The following ITGB8 variants were observed in gnomAD, a reference collection of about 807,000 sequenced individuals.
ITGB8 encodes integrin subunit beta 8, also known as integrin beta-8.
ITGB8 carries 30 observed loss-of-function variants against 89.5 expected under a neutral mutation model. The observed-to-expected ratio is 0.34, with a 90% CI of 0.25 to 0.45. ITGB8 has a LOEUF of 0.45. Ranked by LOEUF, ITGB8 falls within the 20% of genes least tolerant of loss-of-function variation. The probability of loss-of-function intolerance (pLI) is 1.00; values close to 1 mark genes in which losing one functional copy is unlikely to be tolerated. For missense variants in ITGB8, 836 were observed against 933.3 expected, an observed-to-expected ratio of 0.90 and a Z score of 1.36; for synonymous variants, 335 against 320.4, an observed-to-expected ratio of 1.05 and a Z score of -0.49.
rs2127961278 is a variant in ITGB8, at chr7:20,380,848, G to T, written c.801+17G>T. 6.3e-7 allele frequency: 1 copy of T among 1,583,796 alleles called. No individual in the cohort carries two copies. The highest frequency in any genetic ancestry group is 1.1e-5 in the South Asian group (1 of 87,358). The stretch of plus-strand genomic sequence containing the variant: ...GTCTGTGAAGTAAGACGTTTCACAT[G>T]ATCGAGTGTTTGCTAAGATGCCAAA... On this transcript the variant is annotated intron_variant, in intron 5 of 13. Coordinates refer to ENST00000222573, the MANE Select transcript of ITGB8 (RefSeq NM_002214.3).
intron 4 of ITGB8, chr7:20,380,431 C>T (rs1786330572): frequency 2.3e-6 from 1 of 442,272 alleles, no homozygotes; most frequent in South Asian, 2.7e-5. Context: ...CATGTTTAAT[C>T]ATCTTTATTT....
chr7:20,347,231 G>A (rs1784956846), intron 1 of ITGB8, among the ~76,000 whole-genome samples: 1 of 152,226 alleles, frequency 6.6e-6, no homozygotes, highest in African/African-American at 2.4e-5. Flanking sequence ...ATGGCAGCCT[G>A]AATGGACTGA....
chr7:20,380,407 C>T (rs1465592767), intron 4 of ITGB8: 2 of 388,596 alleles, frequency 5.1e-6, no homozygotes, highest in African/African-American at 2.1e-5. Context: ...CTTTAACTGT[C>T]CTATATTAAA....
At chr7:20,363,158 G>C (rs1005006537) in intron 1 of ITGB8, among the ~76,000 whole-genome samples, 3 of 152,088 alleles carry the variant, frequency 2.0e-5, no homozygotes, top group Non-Finnish European at 1.5e-5. Context: ...CATCAAGATT[G>C]TTTCTCAGAA....
At chr7:20,391,623 T>C (rs1786861725) in intron 7 of ITGB8, 125 bp downstream of exon 7, 2 of 506,934 alleles carry the variant, frequency 3.9e-6, no homozygotes, top group South Asian at 6.9e-5. Flanking sequence ...AAATTCTATA[T>C]TGTATTACTA....
chr7:20,335,760 T>G (rs557846830), intron 1 of ITGB8, among the ~76,000 whole-genome samples: 1 of 152,254 alleles, frequency 6.6e-6, no homozygotes, highest in African/African-American at 2.4e-5. Flanking sequence ...ACCTCCACAT[T>G]GCCAGATCTG....
intron 3 of ITGB8, among the ~76,000 whole-genome samples, chr7:20,368,726 G>A (rs1025329760): frequency 3.3e-5 from 5 of 151,792 alleles, no homozygotes; most frequent in African/African-American, 9.7e-5. Context: ...ATTTATTTTT[G>A]TTATGCTCCT....
rs1374392952 is a variant in ITGB8, at chr7:20,362,714, G to C, written c.128-923G>C. Among the ~76,000 whole-genome samples the C allele has an allele frequency of 2.0e-5, 3 of 152,148 alleles. No individual in the cohort carries two copies. In the South Asian group the frequency reaches 6.2e-4, roughly 32 times the overall value. Reference sequence around the variant, plus strand: ...TGGACAGATCACACCGTGACTTCCAGTGTCCTTAGAACATCTTATGTTAAA... The same window carrying C: ...TGGACAGATCACACCGTGACTTCCACTGTCCTTAGAACATCTTATGTTAAA... On this transcript the variant is annotated intron_variant, in intron 1 of 13. Transcript: ENST00000222573.
chr7:20,351,965 T>G (rs1785130112), intron 1 of ITGB8, among the ~76,000 whole-genome samples: 1 of 152,156 alleles, frequency 6.6e-6, no homozygotes, highest in African/African-American at 2.4e-5. Flanking sequence ...GGAACTCTAG[T>G]GTGTTAGATT....
At chr7:20,383,740 A>G (rs527959143) in intron 6 of ITGB8, among the ~76,000 whole-genome samples, 1 of 152,304 alleles carries the variant, frequency 6.6e-6, no homozygotes, top group South Asian at 2.1e-4. Flanking sequence ...TTATAAGTCC[A>G]GTGGAATTTT....
At chr7:20,367,244 T>G in intron 3 of ITGB8, 58 bp downstream of exon 3, 1 of 1,259,742 alleles carries the variant, frequency 7.9e-7, no homozygotes, top group Non-Finnish European at 1.1e-6. Flanking sequence ...GCAATTTACT[T>G]TAATTTGCTC....
At chr7:20,391,338 T>C (rs1786844893) in intron 6 of ITGB8, 65 bp from the exon 7 acceptor site, 1 of 787,488 alleles carries the variant, frequency 1.3e-6, no homozygotes, top group Non-Finnish European at 2.0e-6. Flanking sequence ...TTCTTCATAT[T>C]AGATGTTTGA....
At chr7:20,393,270 A>G (rs1208364874) in intron 7 of ITGB8, among the ~76,000 whole-genome samples, 3 of 152,194 alleles carry the variant, frequency 2.0e-5, no homozygotes, top group Non-Finnish European at 2.9e-5. Flanking sequence ...TTTGCCATTA[A>G]CTGATAAACC....
Position 20,404,726 on chromosome 7 carries a change from TC to T in ITGB8, c.1787del (p.Ser596Ter). ...PSAAAQHCVN[S>X]KGQVCSGRGT... ...AGCAGCAGCCCAGCACTGTGTCAAT[TC>T]AAAGGGCCAAGTGTGCAGTGGAAGA... On this transcript the variant is annotated frameshift_variant, in exon 11 of 14. Transcript: ENST00000222573. LOFTEE classifies it high-confidence loss of function. The T allele has an allele frequency of 6.2e-7, 1 of 1,614,086 alleles. No individual in the cohort carries two copies. The highest frequency in any genetic ancestry group is 2.2e-5 in the East Asian group (1 of 44,882).
Position 20,413,068 on chromosome 7 carries a change from T to A in ITGB8, c.*3071T>A, listed in dbSNP as rs1787818326. ...ATAACATTTGCTTTGTTATGCATTT[T>A]ATTTCTCTGGGGACACCATTGCACT... On this transcript the variant is annotated 3_prime_UTR_variant, in exon 14 of 14. Transcript: ENST00000222573. The A allele has an allele frequency of 6.6e-6, 1 of 152,198 alleles. No homozygotes were observed. Among genetic ancestry groups the A allele is most frequent in the Middle Eastern group, 3.2e-3 (1 of 316 alleles). 9.4% of individuals were successfully genotyped at this position (152,198 alleles called of 1,614,324 possible). A position where few individuals can be genotyped will look rare whatever the true frequency, so the allele number is the denominator to read the frequency against.
rs1318458705 is a variant in ITGB8 at position 20,406,063 on chromosome 7, A to T, written c.1915A>T (p.Asn639Tyr). 4 of 1,564,044 alleles carry T rather than the reference A, an allele frequency of 2.6e-6. No individual in the cohort carries two copies. Among genetic ancestry groups the T allele is most frequent in the Non-Finnish European group, 3.5e-6 (4 of 1,134,416 alleles). Residue 639 changes from asparagine to tyrosine, a missense_variant and splice_region_variant, in exon 12 of 14, where the codon AAT becomes TAT. Physicochemically the swap from Asn to Tyr is moderately radical, Grantham distance 143. Coordinates refer to ENST00000222573, the MANE Select transcript of ITGB8 (RefSeq NM_002214.3). ...TTTCACTTCTGTTTCCCCTTGCAGG[A>T]ATTGTATGCAATGCCTTCACCCTCA... ...TCYTACKENWNCMQCLHPHNL... is the reference protein window; with the variant it reads ...TCYTACKENWYCMQCLHPHNL...
At chr7:20,342,536 A>G (rs1784796538) in intron 1 of ITGB8, among the ~76,000 whole-genome samples, 2 of 152,224 alleles carry the variant, frequency 1.3e-5, no homozygotes, top group Non-Finnish European at 2.9e-5. Context: ...TGTTGCCTAG[A>G]TATACAGTAA....
chr7:20,335,334 T>C (rs1784539888), intron 1 of ITGB8, among the ~76,000 whole-genome samples: 2 of 152,240 alleles, frequency 1.3e-5, no homozygotes, highest in African/African-American at 4.8e-5. Flanking sequence ...TCAATAGTTC[T>C]ATTATAGTTC....
At chr7:20,332,005 G>A in intron 1 of ITGB8, 72 bp downstream of exon 1, 2 of 1,559,870 alleles carry the variant, frequency 1.3e-6, no homozygotes, top group South Asian at 1.2e-5. Flanking sequence ...GAGCTGCCCG[G>A]CCAGAGCATC....
Sources: gnomAD v4.1 joint callset for allele counts (sites outside exome capture counted in the v4.1 genomes callset) on GRCh38, gnomAD v4.1.1 for gene constraint, MANE v1.5 for transcripts, NCBI Gene and HGNC (gene_info 2026-07-23, HGNC 2026-07-21) for gene names.